The following TAFA5 variants were observed in gnomAD, a reference collection of about 807,000 sequenced individuals.
The protein encoded by TAFA5 is chemokine-like protein TAFA-5.
TAFA5 carries 6 observed loss-of-function variants against 15.3 expected under a neutral mutation model. The ratio of observed to expected loss-of-function variants is 0.39; its 90% CI spans 0.21 to 0.77. The LOEUF is 0.77. Ranked by LOEUF, TAFA5 falls within the 30% of genes least tolerant of loss-of-function variation. The probability of loss-of-function intolerance (pLI) is 0.41; values close to 1 mark genes in which losing one functional copy is unlikely to be tolerated. For synonymous variants in TAFA5, 103 were observed against 80.7 expected, an observed-to-expected ratio of 1.28 and a Z score of -1.48; for missense variants, 161 against 193.1, an observed-to-expected ratio of 0.83 and a Z score of 0.98.
intron 3 of TAFA5, among the ~76,000 whole-genome samples, chr22:48,748,107 C>T (rs1483715828): frequency 6.6e-6 from 1 of 152,164 alleles, no homozygotes; most frequent in African/African-American, 2.4e-5. Flanking sequence ...CAGGACCACG[C>T]CCTCCGGTCA....
intron 1 of TAFA5, among the ~76,000 whole-genome samples, chr22:48,523,391 T>C (rs8140803): frequency 0.04 from 6,118 of 152,312 alleles, 410 homozygotes; most frequent in African/African-American, 0.14. Flanking sequence ...CCCTCCTGTG[T>C]GGCCGGCTCG....
chr22:48,620,701 A>C (rs1262478876), intron 1 of TAFA5, among the ~76,000 whole-genome samples: 2 of 2,196 alleles, frequency 9.1e-4, no homozygotes, highest in African/African-American at 1.7e-3. Context: ...ACTCACCCCC[A>C]TACCCATCCT....
chr22:48,543,502 G>A (rs1922538992), intron 1 of TAFA5: 1 of 152,210 alleles, frequency 6.6e-6, no homozygotes, highest in South Asian at 2.1e-4. Flanking sequence ...AACCTCCTAC[G>A]GGGGGACCCT....
chr22:48,533,642 TG>T (rs1922047943), intron 1 of TAFA5, among the ~76,000 whole-genome samples: 1 of 152,164 alleles, frequency 6.6e-6, no homozygotes, highest in Admixed American at 6.5e-5. Context: ...TGGAAGGGAA[TG>T]GGAGAAGGAC....
At chr22:48,576,039 A>ACCCCCCCCCCCCCCCCC (rs535068094) in intron 1 of TAFA5, among the ~76,000 whole-genome samples, 1 of 31,432 alleles carries the variant, frequency 3.2e-5, no homozygotes. Flanking sequence ...GCCGCGCCGG[A>ACCCCCCCCCCCCCCCCC]CCCCCCCCCC....
At chr22:48,702,726 C>T (rs1928950598) in intron 2 of TAFA5, among the ~76,000 whole-genome samples, 1 of 152,244 alleles carries the variant, frequency 6.6e-6, no homozygotes, top group African/African-American at 2.4e-5. Context: ...GCTATTGCAA[C>T]ATTGCGACCA....
At chr22:48,573,245 C>T (rs1018040069) in intron 1 of TAFA5, among the ~76,000 whole-genome samples, 1 of 152,364 alleles carries the variant, frequency 6.6e-6, no homozygotes, top group Non-Finnish European at 1.5e-5. Context: ...ATGTGGGCAT[C>T]CTTCTGTTGG....
In TAFA5 at chr22:48,517,065, C is replaced by T. The variant is rs574144711; in HGVS notation, c.112+27361C>T. 6.4e-4 allele frequency among the ~76,000 whole-genome samples: 97 copies of T among 152,316 alleles called. No individual in the cohort carries two copies. The Middle Eastern group carries it at 0.01, about 16-fold the overall frequency. On this transcript the variant is annotated intron_variant, in intron 1 of 3. Coordinates refer to ENST00000402357, the MANE Select transcript of TAFA5 (RefSeq NM_001082967.3). ...CCCACAGTAGCCGAGTTCTCGTTTC[C>T]GTCACCCCACAAAAAGCCCCGTGCC... is the stretch of plus-strand genomic sequence containing the variant.
intron 1 of TAFA5, among the ~76,000 whole-genome samples, chr22:48,609,722 C>T (rs958568661): frequency 2.9e-4 from 44 of 152,214 alleles, no homozygotes; most frequent in African/African-American, 1.0e-3. Context: ...TGTGGAGCCG[C>T]CCGTGCTTCT....
At position 48,560,555 on chromosome 22, in the gene TAFA5, A is replaced by C. The variant is rs1040304199; in HGVS notation, c.112+70851A>C. Among the ~76,000 whole-genome samples, 1 of 144,384 alleles carries C rather than the reference A, an allele frequency of 6.9e-6. No individual in the cohort carries two copies. Among genetic ancestry groups the C allele is most frequent in the Non-Finnish European group, 1.5e-5 (1 of 66,710 alleles). 94.7% of individuals were successfully genotyped at this position (144,384 alleles called of 152,430 possible). On this transcript the variant is annotated intron_variant, in intron 1 of 3. Transcript: ENST00000402357. The surrounding 1 kb of genome is among the most constrained non-coding windows in gnomAD (Gnocchi z 4.2). ...TCCTGACACCCACACTGGGCCATGA[A>C]AAACGTTGTATTTTATTATTATTAT...
intron 1 of TAFA5, among the ~76,000 whole-genome samples, chr22:48,601,655 A>G (rs1365910772): frequency 1.3e-5 from 2 of 152,098 alleles, no homozygotes; most frequent in Non-Finnish European, 2.9e-5. Flanking sequence ...GGTCTTTTAC[A>G]TTGTACAGAA....
chr22:48,575,176 C>T (rs1300013455), intron 1 of TAFA5, among the ~76,000 whole-genome samples: 4 of 152,022 alleles, frequency 2.6e-5, no homozygotes, highest in African/African-American at 4.8e-5. Flanking sequence ...AGGCTGGGCG[C>T]CACTCGAGGC....
rs962345097 is a variant in TAFA5 at position 48,490,035 on chromosome 22, A to G, written c.112+331A>G. On this transcript the variant is annotated intron_variant, in intron 1 of 3. Coordinates refer to ENST00000402357, the MANE Select transcript of TAFA5 (RefSeq NM_001082967.3). The surrounding 1 kb of genome is among the most constrained non-coding windows in gnomAD (Gnocchi z 5.8). ...CCCAGCCAGCGGCTTCCCGGCCGAG[A>G]TGCGCGCTCAGGAGGCAGCCGCAGG... 1.6e-4 allele frequency among the ~76,000 whole-genome samples: 25 copies of G among 151,898 alleles called. No individual in the cohort carries two copies. The highest frequency in any genetic ancestry group is 5.8e-4 in the African/African-American group (24 of 41,464).
chr22:48,543,525 T>G (rs1282108338), intron 1 of TAFA5: 1 of 152,230 alleles, frequency 6.6e-6, no homozygotes, highest in African/African-American at 2.4e-5. Context: ...CTGCTGCTCA[T>G]GGAACCCTCC....
At chr22:48,694,490 A>C (rs150281130) in intron 2 of TAFA5, among the ~76,000 whole-genome samples, 1,794 of 152,190 alleles carry the variant, frequency 0.012, 35 homozygotes, top group African/African-American at 0.041. Flanking sequence ...CTCCTCCCAG[A>C]AACACGGGCG....
rs970630981 is a variant in TAFA5 at position 48,631,894 on chromosome 22, C to T, written c.113-14703C>T. 3.9e-5 allele frequency among the ~76,000 whole-genome samples: 6 copies of T among 152,276 alleles called. 1 individual carries two copies. The highest frequency in any genetic ancestry group is 2.1e-4 in the South Asian group (1 of 4,824). ...TTCTCAGCTCCTGGCTGTGAACGGGCGATGGGACCCCTGAGCCCCAGCCCC... is the reference window on the plus strand; with the variant it reads ...TTCTCAGCTCCTGGCTGTGAACGGGTGATGGGACCCCTGAGCCCCAGCCCC... On this transcript the variant is annotated intron_variant, in intron 1 of 3. Transcript: ENST00000402357.
chr22:48,601,342 T>C (rs537068338), intron 1 of TAFA5, among the ~76,000 whole-genome samples: 1 of 152,240 alleles, frequency 6.6e-6, no homozygotes, highest in South Asian at 2.1e-4. Flanking sequence ...TTTATTTTTT[T>C]GAGATGGAAT....
chr22:48,504,210 T>G (rs1920971871), intron 1 of TAFA5, among the ~76,000 whole-genome samples: 1 of 152,216 alleles, frequency 6.6e-6, no homozygotes, highest in East Asian at 1.9e-4. Flanking sequence ...CCACCTTATC[T>G]TGTGGCTCAG....
intron 3 of TAFA5, among the ~76,000 whole-genome samples, chr22:48,726,621 G>A (rs9617425): frequency 0.067 from 1,730 of 25,646 alleles, 170 homozygotes; most frequent in Middle Eastern, 0.14. Context: ...TAGTCTGGAC[G>A]GGAGAATCAC....
Sources: gnomAD v4.1 joint callset for allele counts (sites outside exome capture counted in the v4.1 genomes callset) on GRCh38, gnomAD v4.1.1 for gene constraint, Gnocchi (gnomAD v3.1) non-coding constraint, MANE v1.5 for transcripts, NCBI Gene and HGNC (gene_info 2026-07-23, HGNC 2026-07-21) for gene names.